Variants in SPC25 observed in about 807,000 individuals in gnomAD.
SPC25 encodes SPC25 component of NDC80 kinetochore complex.
A neutral mutation model predicts 29.6 loss-of-function variants in SPC25; 22 were observed. The observed-to-expected ratio is 0.74, with a 90% CI of 0.53 to 1.06. SPC25 has a LOEUF of 1.06. SPC25 is among the 50% of genes least tolerant of loss of function. The pLI is 0.00. For missense variants in SPC25, 230 were observed against 255.8 expected (o/e 0.90, Z 0.69); for synonymous variants, 91 against 90.4 (o/e 1.01, Z -0.04).
At chr2:168,862,391 A>AC in intron 4 of SPC25, among the ~76,000 whole-genome samples, 2 of 152,292 alleles carry the variant, frequency 1.3e-5, no homozygotes, top group Non-Finnish European at 2.9e-5. Context: ...GCAACACAAG[A>AC]TTTGAACTTG....
chr2:168,864,816 C>G (rs1411221838), intron 4 of SPC25: 1 of 1,613,280 alleles, frequency 6.2e-7, no homozygotes, highest in East Asian at 2.2e-5. Context: ...ACCCATTTGT[C>G]TAACTGTATT....
chr2:168,874,621 A>T (rs1368387813), intron 5 of SPC25, among the ~76,000 whole-genome samples: 1 of 152,166 alleles, frequency 6.6e-6, no homozygotes, highest in African/African-American at 2.4e-5. Context: ...GCATATGGCC[A>T]TACTCAGGGC....
At chr2:168,880,912 G>A (rs1300121129) in intron 3 of SPC25, among the ~76,000 whole-genome samples, 2 of 152,066 alleles carry the variant, frequency 1.3e-5, no homozygotes, top group Non-Finnish European at 1.5e-5. Flanking sequence ...CAATAGTAAC[G>A]TCAAAGATCA....
Position 168,873,695 on chromosome 2 carries a change from T to C in SPC25, c.452-12A>G. The C allele has an allele frequency of 1.3e-6, 2 of 1,565,210 alleles. No homozygotes were observed. The highest frequency in any genetic ancestry group is 1.8e-6 in the Non-Finnish European group (2 of 1,136,676). ...CTGCAATTTCTCACCTGAAAAGAGA[T>C]TAAACTATTTAGTGTGTCAAAGCTT... On this transcript the variant is annotated splice_polypyrimidine_tract_variant and intron_variant, in intron 5 of 6. Coordinates refer to ENST00000282074, the MANE Select transcript of SPC25 (RefSeq NM_020675.4).
At position 168,877,343 on chromosome 2, in the gene SPC25, T is replaced by C; in HGVS notation, c.241A>G (p.Asn81Asp). The C allele has an allele frequency of 6.2e-7, 1 of 1,613,816 alleles. No homozygotes were observed. Among genetic ancestry groups the C allele is most frequent in the Non-Finnish European group, 8.5e-7 (1 of 1,179,878 alleles). ...QNKLIQEKKD[N>D]LLKLIAEVKG... is the part of the protein sequence containing the mutation. ...ACTTCAGCAATCAATTTTAACAAGT[T>C]ATCCTTTTTTTCTTGAATGAGCTTA... The change falls in exon 4 of 7, where the codon AAC (asparagine) becomes GAC (aspartate). Residue 81 changes from asparagine to aspartate, a missense_variant. Transcript: ENST00000282074.
chr2:168,874,616 T>C (rs546169680), intron 5 of SPC25, among the ~76,000 whole-genome samples: 1 of 152,244 alleles, frequency 6.6e-6, no homozygotes, highest in Admixed American at 6.5e-5. Flanking sequence ...CAGCAGCATA[T>C]GGCCATACTC....
chr2:168,880,927 T>A (rs967137728), intron 3 of SPC25, among the ~76,000 whole-genome samples: 5 of 152,170 alleles, frequency 3.3e-5, no homozygotes, highest in African/African-American at 1.2e-4. Flanking sequence ...AGATCACTGA[T>A]CATAGAGCAC....
At chr2:168,890,065 G>A (rs1009130609) in intron 1 of SPC25, among the ~76,000 whole-genome samples, 4 of 152,224 alleles carry the variant, frequency 2.6e-5, no homozygotes, top group Admixed American at 2.6e-4. Flanking sequence ...AGGAGGTCCT[G>A]GGAGAATCCT....
chr2:168,865,060 T>G (rs1689779863), intron 4 of SPC25: 3 of 1,415,868 alleles, frequency 2.1e-6, no homozygotes, highest in Admixed American at 2.1e-5. Context: ...CCTTTACATG[T>G]TTTTCTTTTG....
At chr2:168,875,124 A>T (rs1214577422) in intron 5 of SPC25, among the ~76,000 whole-genome samples, 1 of 152,160 alleles carries the variant, frequency 6.6e-6, no homozygotes, top group Non-Finnish European at 1.5e-5. Flanking sequence ...CATGCAAAGA[A>T]AATGGGAAAG....
chr2:168,869,026 T>A (rs1689928760), downstream of SPC25, among the ~76,000 whole-genome samples: 1 of 152,206 alleles, frequency 6.6e-6, no homozygotes, highest in Non-Finnish European at 1.5e-5. Context: ...GTGGGTTTCA[T>A]CCCTGGGATG....
At chr2:168,870,215 A>T (rs28866284), downstream of SPC25, among the ~76,000 whole-genome samples, 53,669 of 148,104 alleles carry the variant, frequency 0.36, 9,287 homozygotes, top group Non-Finnish European at 0.44. Flanking sequence ...TTCAAGATGG[A>T]TTAAAGACTT....
chr2:168,889,427 TC>T lies in SPC25; in HGVS notation c.92del (p.Gly31AspfsTer2), dbSNP rs760431553. ...KSTDTSCQMA[G>X]LRDTYKDSIK... ...TGGAATCCTTGTAGGTATCTCTTAG[TC>T]CCGCCATCTGACAGGAGGTGTCCGT... On this transcript the variant is annotated frameshift_variant, in exon 2 of 7. Transcript: ENST00000282074. LOFTEE classifies it high-confidence loss of function. 3 of 1,614,168 alleles carry T rather than the reference TC, an allele frequency of 1.9e-6. No individual in the cohort carries two copies. Among genetic ancestry groups the T allele is most frequent in the Non-Finnish European group, 2.5e-6 (3 of 1,180,026 alleles).
At position 168,871,426 on chromosome 2, in the gene SPC25, G is replaced by T; in HGVS notation, c.*5C>A. The T allele has an allele frequency of 3.8e-6, 6 of 1,593,152 alleles. No individual in the cohort carries two copies. The highest frequency in any genetic ancestry group is 5.1e-6 in the Non-Finnish European group (6 of 1,173,682). On this transcript the variant is annotated 3_prime_UTR_variant, in exon 7 of 7. Transcript: ENST00000282074. Reference sequence around the variant, plus strand: ...TAAACCGTTTTTATATACACTATTTGTATGTTAATTATAAACCGTGGCAGT... The same window carrying T: ...TAAACCGTTTTTATATACACTATTTTTATGTTAATTATAAACCGTGGCAGT...
chr2:168,875,002 C>A (rs1314097083), intron 5 of SPC25, among the ~76,000 whole-genome samples: 5 of 152,158 alleles, frequency 3.3e-5, no homozygotes, highest in African/African-American at 9.7e-5. Flanking sequence ...CCAGACACAA[C>A]AGACATTGCC....
intron 3 of SPC25, among the ~76,000 whole-genome samples, chr2:168,881,962 C>G (rs550501088): frequency 6.6e-6 from 1 of 152,290 alleles, no homozygotes; most frequent in South Asian, 2.1e-4. Context: ...ACAGGAAAAT[C>G]TCGTTTACAG....
Position 168,882,651 on chromosome 2 carries a change from C to A in SPC25, c.200-5267G>T, listed in dbSNP as rs566570934. ...CAGACAGACAGACTGCATTCAAACT[C>A]AGGTCTTGACTTCAAAGGCAATGCT... On this transcript the variant is annotated intron_variant, in intron 3 of 6. Transcript: ENST00000282074. Among the ~76,000 whole-genome samples the A allele has an allele frequency of 8.5e-5, 13 of 152,154 alleles. No individual in the cohort carries two copies. In the South Asian group the frequency reaches 1.0e-3, roughly 12 times the overall value.
intron 3 of SPC25, among the ~76,000 whole-genome samples, chr2:168,881,786 C>T (rs1284053482): frequency 6.6e-6 from 1 of 152,134 alleles, no homozygotes; most frequent in African/African-American, 2.4e-5. Context: ...GATGAGTAAT[C>T]TTTTTCTCAA....
In SPC25 at chr2:168,876,243, T is replaced by C. The variant is rs373556422; in HGVS notation, c.347-67A>G. The C allele has an allele frequency of 1.4e-4, 151 of 1,111,316 alleles. No individual in the cohort carries two copies. In the East Asian group the frequency reaches 3.6e-3, roughly 27 times the overall value. The allele number at this position is 1,111,316 out of a possible 1,614,324, so 68.8% of individuals were successfully genotyped here. A position where few individuals can be genotyped will look rare whatever the true frequency, so the allele number is the denominator to read the frequency against. Reference sequence around the variant, plus strand: ...AGCAAATTAATGCTCACTGAGTTAATTTTTTAAACTTAAAATCAACTATAA... The same window carrying C: ...AGCAAATTAATGCTCACTGAGTTAACTTTTTAAACTTAAAATCAACTATAA... On this transcript the variant is annotated intron_variant, in intron 4 of 6. Transcript: ENST00000282074.
Sources: gnomAD v4.1 joint callset for allele counts (sites outside exome capture counted in the v4.1 genomes callset) on GRCh38, gnomAD v4.1.1 for gene constraint, MANE v1.5 for transcripts, NCBI Gene and HGNC (gene_info 2026-07-23, HGNC 2026-07-21) for gene names.